The following MBP variants were observed in gnomAD, a reference collection of about 807,000 sequenced individuals.
The protein encoded by MBP is Golli-MBP.
MBP carries 16 observed loss-of-function variants against 35.8 expected under a neutral mutation model. That is an observed-to-expected ratio of 0.45 (90% CI 0.30 to 0.68). The LOEUF (loss-of-function observed/expected upper bound fraction) is 0.68. Among genes scored for constraint, MBP ranks in the 30% least tolerant of loss-of-function variants. MBP has a pLI of 0.08. For missense variants in MBP, 380 were observed against 404.7 expected (o/e 0.94, Z 0.52); for synonymous variants, 143 against 159.6 (o/e 0.90, Z 0.78).
chr18:77,129,673 G>A (rs945253273), intron 1 of MBP, among the ~76,000 whole-genome samples: 3 of 152,158 alleles, frequency 2.0e-5, no homozygotes, highest in Non-Finnish European at 2.9e-5. Context: ...CTTCCTTCAC[G>A]GGTTCCAATG....
At chr18:77,066,091 G>T in intron 3 of MBP, 2 of 518,048 alleles carry the variant, frequency 3.9e-6, no homozygotes, top group Admixed American at 3.6e-5. Flanking sequence ...TTGAGCTCCT[G>T]GGCTCAAGCG....
At chr18:77,054,628 G>A (rs1313725143) in intron 3 of MBP, among the ~76,000 whole-genome samples, 1 of 152,182 alleles carries the variant, frequency 6.6e-6, no homozygotes, top group African/African-American at 2.4e-5. Flanking sequence ...GAGCTTCCCT[G>A]GGTCCTTGGC....
At chr18:77,028,002 A>T (rs867287493) in intron 3 of MBP, among the ~76,000 whole-genome samples, 10 of 150,402 alleles carry the variant, frequency 6.6e-5, no homozygotes, top group East Asian at 5.9e-4. Context: ...TTATTTATTT[A>T]TTTTTTTATT....
At chr18:77,037,758 G>A (rs1181304273) in intron 3 of MBP, among the ~76,000 whole-genome samples, 2 of 152,184 alleles carry the variant, frequency 1.3e-5, no homozygotes, top group Admixed American at 6.5e-5. Flanking sequence ...CAGCCGAGGC[G>A]CCTGGAGTAC....
At chr18:76,998,753 C>T (rs1970468619) in intron 4 of MBP, among the ~76,000 whole-genome samples, 3 of 152,236 alleles carry the variant, frequency 2.0e-5, no homozygotes, top group South Asian at 2.1e-4. Context: ...GTGTCTGCCC[C>T]GCTCTCCTGT....
chr18:77,076,721 T>C (rs889235695), intron 2 of MBP, among the ~76,000 whole-genome samples: 1 of 152,134 alleles, frequency 6.6e-6, no homozygotes, highest in Non-Finnish European at 1.5e-5. Flanking sequence ...ACATGTTCAA[T>C]GATTCTTGAA....
At chr18:77,038,085 CG>C (rs1389716554) in intron 3 of MBP, among the ~76,000 whole-genome samples, 3 of 152,128 alleles carry the variant, frequency 2.0e-5, no homozygotes, top group Non-Finnish European at 2.9e-5. Context: ...TAACAGCCAG[CG>C]ACTACTAAGA....
chr18:77,010,127 G>T, intron 4 of MBP: 1 of 591,568 alleles, frequency 1.7e-6, no homozygotes, highest in Non-Finnish European at 3.0e-6. Context: ...AAGAGCAAGA[G>T]GTGATGGGAG....
rs180918502 is a variant in MBP, at chr18:77,018,162, T to C, written c.140-894A>G. 4.7e-3 allele frequency among the ~76,000 whole-genome samples: 705 copies of C among 151,518 alleles called. 5 individuals are homozygous for C. Among genetic ancestry groups the C allele is most frequent in the African/African-American group, 0.016 (677 of 41,268 alleles). On this transcript the variant is annotated intron_variant, in intron 3 of 8. Transcript: ENST00000355994. ...CAGTCCATTTACCCATCCATCCATC[T>C]ATCCATCCATCCATACACACACCCA...
Position 76,979,267 on chromosome 18 carries a change from TA to T in MBP, c.*1159del, listed in dbSNP as rs1180010819. 5 of 151,216 alleles carry T rather than the reference TA, an allele frequency of 3.3e-5. No homozygotes were observed. The highest frequency in any genetic ancestry group is 1.2e-4 in the African/African-American group (5 of 40,992). 9.4% of individuals were successfully genotyped at this position (151,216 alleles called of 1,614,324 possible). The stretch of plus-strand genomic sequence containing the variant: ...CGCGAAAGGAGATGCCAGCGGGTGT[TA>T]AGAAGGATATGGTCAGAAGAGCTCT... On this transcript the variant is annotated 3_prime_UTR_variant, in exon 9 of 9. Coordinates refer to ENST00000355994, the MANE Select transcript of MBP (RefSeq NM_001025101.2).
At chr18:77,038,364 G>A (rs916571447) in intron 3 of MBP, among the ~76,000 whole-genome samples, 2 of 152,240 alleles carry the variant, frequency 1.3e-5, no homozygotes, top group African/African-American at 4.8e-5. Context: ...CCTTTCTGAT[G>A]CACTTTCATA....
intron 2 of MBP, among the ~76,000 whole-genome samples, chr18:77,080,908 C>T (rs1974870718): frequency 6.6e-6 from 1 of 152,116 alleles, no homozygotes; most frequent in Admixed American, 6.5e-5. Flanking sequence ...GTCTCGAACT[C>T]CTGACCTCAA....
Position 76,988,429 on chromosome 18 carries a change from A to T in MBP, c.750+66T>A, listed in dbSNP as rs1428275290. Reference sequence around the variant, plus strand: ...AAGCAACCGAAACAGAGCAGAACACAAAAGTTGCGGGGCTGTGAGGACTGG... The same window carrying T: ...AAGCAACCGAAACAGAGCAGAACACTAAAGTTGCGGGGCTGTGAGGACTGG... On this transcript the variant is annotated intron_variant, in intron 7 of 8. Transcript: ENST00000355994. The surrounding 1 kb of genome is among the most constrained non-coding windows in gnomAD (Gnocchi z 5.2). 3 of 1,614,070 alleles carry T rather than the reference A, an allele frequency of 1.9e-6. No homozygotes were observed. Among genetic ancestry groups the T allele is most frequent in the Non-Finnish European group, 2.5e-6 (3 of 1,180,032 alleles).
chr18:76,985,335 G>A, intron 7 of MBP: 1 of 1,290,596 alleles, frequency 7.7e-7, no homozygotes, highest in Non-Finnish European at 1.0e-6. Flanking sequence ...CCGGTCCCCG[G>A]AGGCCCCGGC....
intron 4 of MBP, among the ~76,000 whole-genome samples, chr18:76,994,649 T>A (rs1055520860): frequency 1.1e-4 from 16 of 152,256 alleles, no homozygotes; most frequent in Admixed American, 7.8e-4. Context: ...TTAAATCTTT[T>A]AAGGTACACA....
At chr18:77,066,206 T>C in intron 3 of MBP, 92 bp downstream of exon 3, 19 of 867,258 alleles carry the variant, frequency 2.2e-5, no homozygotes, top group Non-Finnish European at 2.9e-5. Flanking sequence ...GGATCACCCA[T>C]GCAATAAAAA....
intron 2 of MBP, among the ~76,000 whole-genome samples, chr18:77,077,750 G>A (rs1213644032): frequency 1.3e-5 from 2 of 152,174 alleles, no homozygotes; most frequent in Non-Finnish European, 1.5e-5. Context: ...GTTAGGACTC[G>A]GAACTACTCA....
intron 2 of MBP, among the ~76,000 whole-genome samples, chr18:77,099,302 C>T (rs140392151): frequency 3.0e-4 from 46 of 152,252 alleles, no homozygotes; most frequent in Middle Eastern, 6.8e-3. Flanking sequence ...CCCAGACCTA[C>T]GGTCCCAGCC....
rs1182145950 is a variant in MBP at position 76,979,947 on chromosome 18, TGA to T, written c.*478_*479del. The T allele has an allele frequency of 5.7e-6, 4 of 702,154 alleles. No individual in the cohort carries two copies. The highest frequency in any genetic ancestry group is 1.0e-5 in the Non-Finnish European group (4 of 384,954). 43.5% of individuals were successfully genotyped at this position (702,154 alleles called of 1,614,324 possible). On this transcript the variant is annotated 3_prime_UTR_variant, in exon 9 of 9. Coordinates refer to ENST00000355994, the MANE Select transcript of MBP (RefSeq NM_001025101.2). ...GAAAAATGAAGTCTACTTTAGGAGG[TGA>T]GAGAAGGACAGGAAAAAAAAACAAA...
Sources: gnomAD v4.1 joint callset for allele counts (sites outside exome capture counted in the v4.1 genomes callset) on GRCh38, gnomAD v4.1.1 for gene constraint, Gnocchi (gnomAD v3.1) non-coding constraint, MANE v1.5 for transcripts, NCBI Gene and HGNC (gene_info 2026-07-23, HGNC 2026-07-21) for gene names.